Variants in PLCL2 observed in about 807,000 individuals in gnomAD.
PLCL2 encodes the protein inactive phospholipase C-like protein 2.
Under a neutral mutation model 79.6 loss-of-function variants are expected in PLCL2, and 4 were observed. That is an observed-to-expected ratio of 0.05 (90% CI 0.02 to 0.11). PLCL2 has a LOEUF of 0.11. PLCL2 is among the 10% of genes least tolerant of loss of function. The pLI is 1.00. For synonymous variants in PLCL2, 484 were observed against 457.7 expected, an observed-to-expected ratio of 1.06 and a Z score of -0.73; for missense variants, 895 against 1,291.0, an observed-to-expected ratio of 0.69 and a Z score of 4.70.
rs114116545 is a variant in PLCL2 at position 16,928,783 on chromosome 3, C to T, written c.327+43417C>T. On this transcript the variant is annotated intron_variant, in intron 1 of 5. Coordinates refer to ENST00000615277, the MANE Select transcript of PLCL2 (RefSeq NM_001144382.2). ...AGTATGAGAAGTATGGAGTACCATG[C>T]TTGGCATATAAGAAATGCTTAGTAA... 4.0e-3 allele frequency among the ~76,000 whole-genome samples: 616 copies of T among 152,290 alleles called. 2 individuals are homozygous for T. Among genetic ancestry groups the T allele is most frequent in the African/African-American group, 0.013 (555 of 41,562 alleles).
intron 1 of PLCL2, among the ~76,000 whole-genome samples, chr3:16,933,893 C>T (rs937243581): frequency 6.6e-6 from 1 of 151,934 alleles, no homozygotes; most frequent in Admixed American, 6.6e-5. Flanking sequence ...CATGGTGAAA[C>T]CTGTCTCTAC....
At chr3:16,928,138 G>A (rs1697301665) in intron 1 of PLCL2, among the ~76,000 whole-genome samples, 1 of 152,192 alleles carries the variant, frequency 6.6e-6, no homozygotes, top group South Asian at 2.1e-4. Flanking sequence ...TAGCTCCTAT[G>A]TTAGGCACTG....
intron 4 of PLCL2, among the ~76,000 whole-genome samples, chr3:17,046,780 G>T (rs570570085): frequency 3.9e-5 from 6 of 152,210 alleles, no homozygotes; most frequent in African/African-American, 1.4e-4. Flanking sequence ...GGTCTTGGGG[G>T]GCCTGACACA....
At chr3:16,908,234 C>G (rs1362736295) in intron 1 of PLCL2, among the ~76,000 whole-genome samples, 1 of 152,162 alleles carries the variant, frequency 6.6e-6, no homozygotes, top group Non-Finnish European at 1.5e-5. Flanking sequence ...ATCCACTTAT[C>G]CCCATCCTGT....
intron 3 of PLCL2, among the ~76,000 whole-genome samples, chr3:17,016,121 A>G (rs183249254): frequency 6.6e-6 from 1 of 152,288 alleles, no homozygotes; most frequent in East Asian, 1.9e-4. Context: ...ATGAGTTCCA[A>G]GATAGTGATA....
At chr3:16,889,362 A>T (rs918448295) in intron 1 of PLCL2, among the ~76,000 whole-genome samples, 2 of 152,172 alleles carry the variant, frequency 1.3e-5, no homozygotes, top group Admixed American at 1.3e-4. Context: ...GGTTTCAGAC[A>T]TTGGATTTGA....
intron 1 of PLCL2, among the ~76,000 whole-genome samples, chr3:16,991,959 A>G (rs566109407): frequency 1.4e-4 from 22 of 152,238 alleles, no homozygotes; most frequent in South Asian, 4.2e-4. Context: ...AAGATAATCT[A>G]ATTTTTAGGT....
chr3:17,088,559 G>T (rs2065243166), intron 5 of PLCL2, among the ~76,000 whole-genome samples: 1 of 152,110 alleles, frequency 6.6e-6, no homozygotes, highest in Non-Finnish European at 1.5e-5. Context: ...TAGGAGTGTT[G>T]GAATTTACAG....
chr3:17,061,805 A>G (rs967073397), intron 4 of PLCL2, among the ~76,000 whole-genome samples: 2 of 152,204 alleles, frequency 1.3e-5, no homozygotes, highest in African/African-American at 4.8e-5. Context: ...AGTCCTCACC[A>G]TGAACTGATG....
intron 1 of PLCL2, among the ~76,000 whole-genome samples, chr3:16,967,914 T>C (rs2063822735): frequency 6.6e-6 from 1 of 152,156 alleles, no homozygotes; most frequent in Admixed American, 6.6e-5. Context: ...TTTAAGTCTT[T>C]AGTCCATCTT....
chr3:16,919,262 T>C (rs927072228), intron 1 of PLCL2, among the ~76,000 whole-genome samples: 5 of 152,170 alleles, frequency 3.3e-5, no homozygotes, highest in African/African-American at 4.8e-5. Flanking sequence ...ATTTTTGTAC[T>C]ATTTAGTTAT....
At position 17,010,336 on chromosome 3, in the gene PLCL2, A is replaced by C. The variant is rs1379255167; in HGVS notation, c.990A>C (p.Glu330Asp). ...CTGGTACCGAGGTCACAAAGGAAGA[A>C]TTTATTGAGGTTTTTCATGAGCTTT... ...DKAGTEVTKE[E>D]FIEVFHELCT... is the part of the protein sequence containing the mutation. The change falls in exon 2 of 6, where the codon GAA (glutamate) becomes GAC (aspartate). Residue 330 changes from glutamate to aspartate, a missense_variant. Transcript: ENST00000615277. The surrounding 1 kb of genome is among the most constrained non-coding windows in gnomAD (Gnocchi z 5.8). 6.2e-7 allele frequency: 1 copy of C among 1,613,984 alleles called. No individual in the cohort carries two copies. The highest frequency in any genetic ancestry group is 8.5e-7 in the Non-Finnish European group (1 of 1,180,026).
At chr3:17,005,234 A>C (rs916398623) in intron 1 of PLCL2, among the ~76,000 whole-genome samples, 1 of 152,170 alleles carries the variant, frequency 6.6e-6, no homozygotes, top group African/African-American at 2.4e-5. Context: ...GGCATTAACT[A>C]TCTGTGTGCC....
intron 1 of PLCL2, among the ~76,000 whole-genome samples, chr3:16,939,969 A>G (rs1313440496): frequency 6.6e-6 from 1 of 152,188 alleles, no homozygotes; most frequent in Non-Finnish European, 1.5e-5. Flanking sequence ...CTAAAGAAGA[A>G]GAGTCATACT....
At chr3:16,960,436 T>C (rs1356766487) in intron 1 of PLCL2, among the ~76,000 whole-genome samples, 1 of 152,200 alleles carries the variant, frequency 6.6e-6, no homozygotes, top group East Asian at 1.9e-4. Flanking sequence ...ATCTAGCTGT[T>C]CCTTATTTGC....
At chr3:16,946,950 A>ATTATTTTTTTT (rs1368093455) in intron 1 of PLCL2, among the ~76,000 whole-genome samples, 2 of 76,994 alleles carry the variant, frequency 2.6e-5, no homozygotes, top group Non-Finnish European at 5.1e-5. Flanking sequence ...TTAAAGTTTC[A>ATTATTTTTTTT]TTCTTTTTTT....
intron 1 of PLCL2, among the ~76,000 whole-genome samples, chr3:16,966,396 A>G (rs550184514): frequency 6.1e-4 from 93 of 151,898 alleles, no homozygotes; most frequent in Non-Finnish European, 1.0e-3. Flanking sequence ...TAAGCTTTTT[A>G]ATGTGTTGCT....
intron 1 of PLCL2, among the ~76,000 whole-genome samples, chr3:16,964,394 C>CATAAGAAAATGTATAT: frequency 6.6e-6 from 1 of 152,210 alleles, no homozygotes; most frequent in East Asian, 1.9e-4. Flanking sequence ...TGTATATGTG[C>CATAAGAAAATGTATAT]CACATTTTCT....
Position 17,011,578 on chromosome 3 carries a change from A to G in PLCL2, c.2232A>G (p.Thr744=). 1 of 1,614,120 alleles carries G rather than the reference A, an allele frequency of 6.2e-7. No homozygotes were observed. Among genetic ancestry groups the G allele is most frequent in the South Asian group, 1.1e-5 (1 of 91,074 alleles). The change falls in exon 2 of 6, where the codon ACA becomes ACG. Residue 744 remains threonine (T), a synonymous_variant. Transcript: ENST00000615277. This position sits in a 1 kb window ranked among gnomAD's most constrained non-coding sequence, Gnocchi z 7.9. ...AGGTCTCCTTCTTCAGCGCCAATAC[A>G]AAAGACTCTGTCCCAGGGGTCTCAC... The part of the protein sequence containing the change: ...REEVSFFSAN[T]KDSVPGVSPQ...
Sources: allele counts gnomAD v4.1 joint callset (sites outside exome capture counted in the v4.1 genomes callset), GRCh38; gene constraint gnomAD v4.1.1; non-coding constraint Gnocchi (gnomAD v3.1); transcripts MANE v1.5; gene names NCBI Gene and HGNC (gene_info 2026-07-23, HGNC 2026-07-21).